The following STX8 variants were observed in gnomAD, a reference collection of about 807,000 sequenced individuals.
STX8 encodes syntaxin-8.
In STX8, 23 loss-of-function variants were observed where a neutral mutation model predicts 37.5. That is an observed-to-expected ratio of 0.61 (90% CI 0.44 to 0.87). The LOEUF (loss-of-function observed/expected upper bound fraction) is 0.87, where lower values mean the gene tolerates loss of function less well. Among genes scored for constraint, STX8 ranks in the 40% least tolerant of loss-of-function variants. The pLI, the probability that STX8 is intolerant of heterozygous loss-of-function variation, is 0.00. For missense variants in STX8, 313 were observed against 284.7 expected, an observed-to-expected ratio of 1.10 and a Z score of -0.71; for synonymous variants, 115 against 99.1, an observed-to-expected ratio of 1.16 and a Z score of -0.95.
At chr17:9,290,266 C>A (rs1597586615) in intron 7 of STX8, among the ~76,000 whole-genome samples, 1 of 151,970 alleles carries the variant, frequency 6.6e-6, no homozygotes, top group East Asian at 1.9e-4. Flanking sequence ...TAAATTATGC[C>A]ATTATTTTGA....
chr17:9,334,871 T>C (rs974568604), intron 7 of STX8, among the ~76,000 whole-genome samples: 3 of 152,184 alleles, frequency 2.0e-5, no homozygotes, highest in Non-Finnish European at 4.4e-5. Flanking sequence ...GTTCTAAATT[T>C]CCCGTCAAAG....
At chr17:9,506,759 C>T (rs760550551) in intron 4 of STX8, among the ~76,000 whole-genome samples, 18 of 152,106 alleles carry the variant, frequency 1.2e-4, no homozygotes, top group African/African-American at 1.7e-4. Context: ...GCTGGGAATT[C>T]GTACAGTTGC....
intron 7 of STX8, among the ~76,000 whole-genome samples, chr17:9,262,375 G>A (rs1198900805): frequency 6.6e-6 from 1 of 152,248 alleles, no homozygotes. Flanking sequence ...CACAATTGGG[G>A]TTCAGTCACA....
chr17:9,272,726 G>A (rs1221891109), intron 7 of STX8, among the ~76,000 whole-genome samples: 1 of 152,178 alleles, frequency 6.6e-6, no homozygotes, highest in African/African-American at 2.4e-5. Context: ...TTACATTCTT[G>A]AAGTATATTC....
At chr17:9,523,990 T>C (rs1365181236) in intron 4 of STX8, among the ~76,000 whole-genome samples, 1 of 152,258 alleles carries the variant, frequency 6.6e-6, no homozygotes, top group Non-Finnish European at 1.5e-5. Context: ...CTGTTTATTA[T>C]ACCAATTCAT....
chr17:9,402,051 C>T (rs528570508), intron 6 of STX8, among the ~76,000 whole-genome samples: 3 of 152,134 alleles, frequency 2.0e-5, no homozygotes, highest in African/African-American at 7.2e-5. Context: ...GCCCATGTAT[C>T]TTTGATTTTC....
chr17:9,545,263 G>A lies in STX8; in HGVS notation c.232C>T (p.Arg78Ter), dbSNP rs878861110. Reference protein sequence around the residue: ...THQITQLEGDRRQNLLDDLVT... With the variant: ...THQITQLEGD ...AGATCATCCAAGAGGTTCTGTCTTCGGTCCCCTTCAAGCTGTGTTCTGCAG... is the reference window on the plus strand; with the variant it reads ...AGATCATCCAAGAGGTTCTGTCTTCAGTCCCCTTCAAGCTGTGTTCTGCAG... Residue 78 changes from arginine to a stop codon, truncating the protein, a stop_gained, in exon 4 of 8, where the codon CGA (arginine) becomes TGA (stop). Coordinates refer to ENST00000306357, the MANE Select transcript of STX8 (RefSeq NM_004853.3). LOFTEE classifies it high-confidence loss of function. 9.9e-6 allele frequency: 16 copies of A among 1,613,692 alleles called. No individual in the cohort carries two copies. The highest frequency in any genetic ancestry group is 1.6e-4 in the Middle Eastern group (1 of 6,084).
At chr17:9,463,353 T>C (rs1905472708) in intron 6 of STX8, among the ~76,000 whole-genome samples, 1 of 152,356 alleles carries the variant, frequency 6.6e-6, no homozygotes, top group South Asian at 2.1e-4. Context: ...GTAACAATTA[T>C]GTTTGTTTCG....
chr17:9,434,160 T>C (rs956183796), intron 6 of STX8, among the ~76,000 whole-genome samples: 2 of 152,118 alleles, frequency 1.3e-5, no homozygotes, highest in Non-Finnish European at 2.9e-5. Flanking sequence ...GGTGCTACCA[T>C]GCCCGGCTAA....
chr17:9,298,550 G>T (rs141342753), intron 7 of STX8, among the ~76,000 whole-genome samples: 1 of 152,096 alleles, frequency 6.6e-6, no homozygotes, highest in Non-Finnish European at 1.5e-5. Context: ...GGTGGCTCAC[G>T]CCTGTAATCC....
intron 7 of STX8, among the ~76,000 whole-genome samples, chr17:9,298,518 C>A (rs73265969): frequency 5.9e-5 from 9 of 152,154 alleles, no homozygotes; most frequent in African/African-American, 1.4e-4. Flanking sequence ...ACTTTAAAAA[C>A]CAAAAAAACC....
intron 5 of STX8, among the ~76,000 whole-genome samples, chr17:9,495,537 G>A (rs1459473780): frequency 6.6e-6 from 1 of 152,120 alleles, no homozygotes; most frequent in African/African-American, 2.4e-5. Flanking sequence ...CATAGATTAT[G>A]AATGAAAAAT....
chr17:9,318,170 G>C (rs149631894), intron 7 of STX8, among the ~76,000 whole-genome samples: 2 of 152,126 alleles, frequency 1.3e-5, no homozygotes, highest in African/African-American at 4.8e-5. Context: ...TGTGCACAAC[G>C]TGCAGGTATG....
At chr17:9,550,804 G>A (rs1597738252) in intron 3 of STX8, among the ~76,000 whole-genome samples, 1 of 152,200 alleles carries the variant, frequency 6.6e-6, no homozygotes, top group East Asian at 1.9e-4. Flanking sequence ...GCTGGGCACA[G>A]TCGCTCACAC....
At chr17:9,277,130 T>G (rs1215788601) in intron 7 of STX8, among the ~76,000 whole-genome samples, 1 of 152,142 alleles carries the variant, frequency 6.6e-6, no homozygotes, top group Non-Finnish European at 1.5e-5. Context: ...CCTTTTAACA[T>G]CCATGGCTAT....
chr17:9,548,161 G>A (rs1020345192), intron 3 of STX8, among the ~76,000 whole-genome samples: 1 of 151,948 alleles, frequency 6.6e-6, no homozygotes, highest in African/African-American at 2.4e-5. Flanking sequence ...CTGGAGTGCA[G>A]TGGCATGATC....
intron 7 of STX8, among the ~76,000 whole-genome samples, chr17:9,327,972 CTCCT>C (rs145635391): frequency 0.033 from 4,872 of 148,856 alleles, 139 homozygotes; most frequent in South Asian, 0.095. Flanking sequence ...TTCCTTCTCC[CTCCT>C]TCCTTCCTTC....
intron 7 of STX8, among the ~76,000 whole-genome samples, chr17:9,306,313 C>T (rs769721579): frequency 4.6e-5 from 7 of 151,938 alleles, no homozygotes; most frequent in Non-Finnish European, 7.4e-5. Flanking sequence ...TGTTGTTAAG[C>T]GAAACAGACC....
intron 6 of STX8, among the ~76,000 whole-genome samples, chr17:9,450,479 T>C (rs1253343035): frequency 6.6e-6 from 1 of 151,650 alleles, no homozygotes; most frequent in African/African-American, 2.4e-5. Flanking sequence ...GACCCATATA[T>C]ACGGATGTGT....
Sources: allele counts gnomAD v4.1 joint callset (sites outside exome capture counted in the v4.1 genomes callset), GRCh38; gene constraint gnomAD v4.1.1; transcripts MANE v1.5; gene names NCBI Gene and HGNC (gene_info 2026-07-23, HGNC 2026-07-21).